Variants in ZFHX3 observed in about 807,000 individuals in gnomAD.
ZFHX3 encodes the protein zinc finger homeobox 3.
In ZFHX3, 42 loss-of-function variants were observed where a neutral mutation model predicts 279.1. That is an observed-to-expected ratio of 0.15 (90% CI 0.12 to 0.19). The LOEUF (loss-of-function observed/expected upper bound fraction) is 0.19, where lower values mean the gene tolerates loss of function less well. ZFHX3 is among the 10% of genes least tolerant of loss of function. The pLI is 1.00. For synonymous variants in ZFHX3, 2,293 were observed against 1,957.8 expected (o/e 1.17, Z -4.52); for missense variants, 4,981 against 4,754.0 (o/e 1.05, Z -1.40).
intron 3 of ZFHX3, chr16:73,420,089 C>G (rs2017687868): frequency 6.6e-6 from 1 of 151,880 alleles, no homozygotes; most frequent in African/African-American, 2.4e-5. Flanking sequence ...TGTACTTTTT[C>G]TAGGGACAGC....
chr16:73,317,080 T>C (rs891495021), intron 4 of ZFHX3, among the ~76,000 whole-genome samples: 5 of 151,882 alleles, frequency 3.3e-5, no homozygotes, highest in African/African-American at 1.2e-4. Flanking sequence ...TGGGAAGAGG[T>C]GATACTGAAT....
rs1555515313 is a variant in ZFHX3, at chr16:72,787,709, C to CGCCGCT, written c.10566_10567insAGCGGC (p.Gly3522_Gly3523insSerGly). 1 of 1,398,694 alleles carries CGCCGCT rather than the reference C, an allele frequency of 7.1e-7. No homozygotes were observed. The highest frequency in any genetic ancestry group is 1.5e-5 in the African/African-American group (1 of 67,832). The allele number at this position is 1,398,694 out of a possible 1,614,324, so 86.6% of individuals were successfully genotyped here. On this transcript the variant is annotated inframe_insertion, in exon 10 of 10. Coordinates refer to ENST00000268489, the MANE Select transcript of ZFHX3 (RefSeq NM_006885.4). ...CAGTGGTACGAGCCGCCGCCGCCGC[C>CGCCGCT]GCCGCCGCCACCGCCGCCGCCGCCG...
At chr16:73,016,790 G>C (rs764137884) in intron 1 of ZFHX3, among the ~76,000 whole-genome samples, 1 of 151,932 alleles carries the variant, frequency 6.6e-6, no homozygotes, top group Non-Finnish European at 1.5e-5. Flanking sequence ...ATGTGGATTC[G>C]CACCCTGGTG....
intron 5 of ZFHX3, among the ~76,000 whole-genome samples, chr16:73,185,517 G>A (rs563857688): frequency 6.6e-6 from 1 of 152,296 alleles, no homozygotes; most frequent in East Asian, 1.9e-4. Flanking sequence ...GAGTAAGCAA[G>A]TATCCCCCAA....
chr16:73,028,957 A>G (rs1964604271), intron 1 of ZFHX3, among the ~76,000 whole-genome samples: 1 of 152,170 alleles, frequency 6.6e-6, no homozygotes, highest in Non-Finnish European at 1.5e-5. Flanking sequence ...ACCTCCTACA[A>G]TACAATGCAA....
At chr16:72,934,775 A>G (rs1960023379) in intron 3 of ZFHX3, among the ~76,000 whole-genome samples, 1 of 152,174 alleles carries the variant, frequency 6.6e-6, no homozygotes, top group South Asian at 2.1e-4. Flanking sequence ...ATCATGACCC[A>G]TTAGTGCAGT....
chr16:73,656,961 A>G (rs894006941), intron 2 of ZFHX3, among the ~76,000 whole-genome samples: 1 of 152,262 alleles, frequency 6.6e-6, no homozygotes. Context: ...GCCAGTGTGT[A>G]TAACATATTA....
chr16:73,234,133 G>A lies in ZFHX3; in HGVS notation c.-1104+22914C>T, dbSNP rs111989362. Among the ~76,000 whole-genome samples the A allele has an allele frequency of 5.3e-3, 808 of 152,250 alleles. 10 individuals carry two copies. Among genetic ancestry groups the A allele is most frequent in the South Asian group, 0.047 (224 of 4,810 alleles). On this transcript the variant is annotated intron_variant, in intron 5 of 17. Transcript: ENST00000641206. ...TGTGTCTCTCCGAGAGGGAGGGAAA[G>A]GGAGCGAAGTCAGAACAGGCGGAAT...
chr16:73,423,156 CAT>C (rs2017748694), intron 3 of ZFHX3, among the ~76,000 whole-genome samples: 1 of 152,130 alleles, frequency 6.6e-6, no homozygotes, highest in Admixed American at 6.6e-5. Context: ...AGGACTTCAA[CAT>C]ATGATTTTTT....
In ZFHX3 at chr16:72,957,824, C is replaced by T. The variant is rs548511367; in HGVS notation, c.2322G>A (p.Ala774=). 2.0e-4 allele frequency: 325 copies of T among 1,607,566 alleles called. 1 individual carries two copies. In the South Asian group the frequency reaches 2.8e-3, roughly 14 times the overall value. ...CCGCCGCCGCCGCAGCCACCGCCGC[C>T]GCCGCCGCCCCGGCAGTGTGGCTGA... ...QVFSHTAGAA[A]AAVAAAAAAA... is the part of the protein sequence containing the mutation. Residue 774 remains alanine (A), a synonymous_variant, in exon 2 of 10, where the codon GCG becomes GCA. Coordinates refer to ENST00000268489, the MANE Select transcript of ZFHX3 (RefSeq NM_006885.4).
chr16:73,840,597 C>T (rs977417684), intron 1 of ZFHX3, among the ~76,000 whole-genome samples: 4 of 152,180 alleles, frequency 2.6e-5, no homozygotes, highest in African/African-American at 9.7e-5. Flanking sequence ...TCCAGAGTGT[C>T]GGGCTCTATT....
chr16:73,002,970 T>G (rs964768183), intron 1 of ZFHX3, among the ~76,000 whole-genome samples: 1 of 152,240 alleles, frequency 6.6e-6, no homozygotes, highest in Non-Finnish European at 1.5e-5. Flanking sequence ...ATGTAATTCT[T>G]TAGCTTCTCT....
At chr16:73,048,589 A>G (rs1965387266), upstream of ZFHX3, among the ~76,000 whole-genome samples, 1 of 152,224 alleles carries the variant, frequency 6.6e-6, no homozygotes, top group South Asian at 2.1e-4. Flanking sequence ...GGGCGAGAAG[A>G]AAGGGACGCG....
At chr16:73,140,735 T>G (rs1966845674) in intron 6 of ZFHX3, among the ~76,000 whole-genome samples, 1 of 152,284 alleles carries the variant, frequency 6.6e-6, no homozygotes, top group African/African-American at 2.4e-5. Flanking sequence ...GTGCCTATAG[T>G]CCCAGCTACT....
chr16:72,819,399 G>T (rs1015709933), intron 5 of ZFHX3, among the ~76,000 whole-genome samples: 1 of 152,170 alleles, frequency 6.6e-6, no homozygotes, highest in Non-Finnish European at 1.5e-5. Context: ...CACTGAGATC[G>T]CAGCCTTGAG....
chr16:73,133,414 C>T (rs12103030), intron 6 of ZFHX3, among the ~76,000 whole-genome samples: 3,796 of 151,376 alleles, frequency 0.025, 162 homozygotes, highest in African/African-American at 0.087. Flanking sequence ...CCCAGCTACT[C>T]GGGAGGCTGA....
At chr16:73,870,575 A>T (rs1962135817) in intron 1 of ZFHX3, among the ~76,000 whole-genome samples, 1 of 152,160 alleles carries the variant, frequency 6.6e-6, no homozygotes. Flanking sequence ...CTTGGACAAG[A>T]CTTGACTAGG....
At chr16:73,743,599 G>C (rs1216790283) in intron 1 of ZFHX3, among the ~76,000 whole-genome samples, 1 of 152,036 alleles carries the variant, frequency 6.6e-6, no homozygotes, top group African/African-American at 2.4e-5. Flanking sequence ...AAGTATGACA[G>C]CTAAAAATTT....
At chr16:73,487,482 C>A (rs114942439) in intron 2 of ZFHX3, 120 of 437,232 alleles carry the variant, frequency 2.7e-4, no homozygotes, top group African/African-American at 2.1e-3. Context: ...CTCCTTGCAG[C>A]CTCAGTCTCC....
Sources: gnomAD v4.1 joint callset for allele counts (sites outside exome capture counted in the v4.1 genomes callset) on GRCh38, gnomAD v4.1.1 for gene constraint, MANE v1.5 for transcripts, NCBI Gene and HGNC (gene_info 2026-07-23, HGNC 2026-07-21) for gene names.